Variants in SHOX observed in about 807,000 individuals in gnomAD.
SHOX encodes SHOX homeobox, also known as short stature homeobox protein.
Under a neutral mutation model 29.6 loss-of-function variants are expected in SHOX, and 12 were observed. The ratio of observed to expected loss-of-function variants is 0.41; its 90% CI spans 0.26 to 0.66. The LOEUF (loss-of-function observed/expected upper bound fraction) is 0.66. Ranked by LOEUF, SHOX falls within the 30% of genes least tolerant of loss-of-function variation. The pLI is 0.35. For missense variants in SHOX, 499 were observed against 437.7 expected, an observed-to-expected ratio of 1.14 and a Z score of -1.25; for synonymous variants, 214 against 200.6, an observed-to-expected ratio of 1.07 and a Z score of -0.57.
At chrX:629,913 A>G (rs1489806408), upstream of SHOX, among the ~76,000 whole-genome samples, 9 of 152,332 alleles carry the variant, frequency 5.9e-5, no homozygotes, top group African/African-American at 1.7e-4. Flanking sequence ...GCATCCCACC[A>G]TGAAAACCAA....
rs28407275 is a variant in SHOX at position 648,443 on chromosome X, T to C, written c.*3807T>C. ...GTTTTTGCTGTGTTGGCCCGGCTGGTCTCAAACTCCTGACCTCAGGTTGAC... is the reference window on the plus strand; with the variant it reads ...GTTTTTGCTGTGTTGGCCCGGCTGGCCTCAAACTCCTGACCTCAGGTTGAC... On this transcript the variant is annotated 3_prime_UTR_variant, in exon 5 of 5. Coordinates refer to ENST00000686671, the MANE Select transcript of SHOX (RefSeq NM_000451.4). Among the ~76,000 whole-genome samples the C allele has an allele frequency of 0.29, 43,787 of 151,752 alleles. 6,794 individuals carry two copies. The highest frequency in any genetic ancestry group is 0.35 in the Non-Finnish European group (23,609 of 67,784).
chrX:640,119 T>C (rs1027388023), intron 2 of SHOX, among the ~76,000 whole-genome samples: 24 of 151,588 alleles, frequency 1.6e-4, no homozygotes, highest in African/African-American at 5.3e-4. Flanking sequence ...CCCAGGAGGG[T>C]GGATCGCTTG....
At chrX:653,141 T>C (rs1395413411), downstream of SHOX, among the ~76,000 whole-genome samples, 1 of 152,108 alleles carries the variant, frequency 6.6e-6, no homozygotes, top group Non-Finnish European at 1.5e-5. Flanking sequence ...CTCAGGAAGC[T>C]GAGGCAGGAG....
At chrX:625,183 T>G (rs2052499598) in intron 1 of SHOX, among the ~76,000 whole-genome samples, 1 of 123,652 alleles carries the variant, frequency 8.1e-6, no homozygotes, top group Non-Finnish European at 1.7e-5. Flanking sequence ...TCCCCCTTCA[T>G]CGTCCCTCCT....
rs1231554686 is a variant in SHOX at position 647,083 on chromosome X, G to A, written c.*2447G>A. Reference sequence around the variant, plus strand: ...TACCTGGTCCCTGTAGAATCTGAACGTTTCTCTTTAGAGACGGAATTTCAA... The same window carrying A: ...TACCTGGTCCCTGTAGAATCTGAACATTTCTCTTTAGAGACGGAATTTCAA... On this transcript the variant is annotated 3_prime_UTR_variant, in exon 5 of 5. Transcript: ENST00000686671. 1.3e-5 allele frequency among the ~76,000 whole-genome samples: 2 copies of A among 152,294 alleles called. No individual in the cohort carries two copies. The highest frequency in any genetic ancestry group is 1.9e-4 in the East Asian group (1 of 5,176).
At chrX:630,652 C>CT (rs2052630175), upstream of SHOX, 3 of 602,090 alleles carry the variant, frequency 5.0e-6, no homozygotes, top group Non-Finnish European at 5.9e-6. Flanking sequence ...AATTGCCGGC[C>CT]TGGGGGGTGG....
chrX:652,082 G>A (rs909127839), downstream of SHOX, among the ~76,000 whole-genome samples: 30 of 151,994 alleles, frequency 2.0e-4, no homozygotes, highest in Non-Finnish European at 3.7e-4. Flanking sequence ...GCACCACCGC[G>A]CCCGGCTCAT....
At position 651,233 on chromosome X, in the gene SHOX, C is replaced by A. The variant is rs1451284626; in HGVS notation, c.*6597C>A. On this transcript the variant is annotated 3_prime_UTR_variant, in exon 5 of 5. Transcript: ENST00000686671. The stretch of plus-strand genomic sequence containing the variant: ...TGTTGCTTTTTCTTTTTCCCTCCCC[C>A]ATTGACGACATAGCGGCCCCCGCGT... 1 of 444,370 alleles carries A rather than the reference C, an allele frequency of 2.3e-6. No homozygotes were observed. The highest frequency in any genetic ancestry group is 2.4e-5 in the Admixed American group (1 of 41,400). The allele number at this position is 444,370 out of a possible 1,614,324, so 27.5% of individuals were successfully genotyped here.
chrX:651,578 A>C lies in SHOX; in HGVS notation c.*6942A>C. On this transcript the variant is annotated 3_prime_UTR_variant, in exon 5 of 5. Transcript: ENST00000686671. ...CTGAGATATAAATAAACTTATAAAT[A>C]TTTGTATTCAAGTGTTAAAAAAAAA... 4.3e-6 allele frequency: 1 copy of C among 234,612 alleles called. No homozygotes were observed. Among genetic ancestry groups the C allele is most frequent in the East Asian group, 9.3e-5 (1 of 10,720 alleles). The allele number at this position is 234,612 out of a possible 1,614,324, so 14.5% of individuals were successfully genotyped here. A position where few individuals can be genotyped will look rare whatever the true frequency, so the allele number is the denominator to read the frequency against.
intron 2 of SHOX, among the ~76,000 whole-genome samples, chrX:638,296 T>G (rs776322585): frequency 2.6e-5 from 4 of 152,046 alleles, no homozygotes; most frequent in Admixed American, 2.0e-4. Flanking sequence ...GGAGAGTGAA[T>G]GAGGCTTTCC....
upstream of SHOX, chrX:630,477 T>A: frequency 3.8e-6 from 1 of 260,220 alleles, no homozygotes; most frequent in Non-Finnish European, 7.4e-6. Flanking sequence ...AAAACTGGAG[T>A]TTGCTTTTCC....
At chrX:628,393 C>G (rs1156850247), upstream of SHOX, among the ~76,000 whole-genome samples, 205 of 144,244 alleles carry the variant, frequency 1.4e-3, no homozygotes, top group African/African-American at 3.7e-3. Context: ...ATCTGTCTGT[C>G]TCTCCCTTTC....
Position 630,834 on chromosome X carries a change from C to T in SHOX, c.-64C>T, listed in dbSNP as rs933074752. 6.3e-7 allele frequency: 1 copy of T among 1,599,092 alleles called. No homozygotes were observed. Among genetic ancestry groups the T allele is most frequent in the African/African-American group, 1.3e-5 (1 of 74,402 alleles). ...GATCCACCCGCGCGCACGGGCCGTC[C>T]TCTCCGCGCGGGGAGACGCGCGCAT... On this transcript the variant is annotated 5_prime_UTR_variant, in exon 1 of 5. Transcript: ENST00000686671.
chrX:630,737 G>A, upstream of SHOX: 3 of 880,966 alleles, frequency 3.4e-6, no homozygotes, highest in African/African-American at 1.7e-5. Context: ...GGCAGCGCAT[G>A]GGGGGCTGGG....
At chrX:629,481 GTCTCTCTCTT>G, upstream of SHOX, among the ~76,000 whole-genome samples, 1 of 141,070 alleles carries the variant, frequency 7.1e-6, no homozygotes, top group East Asian at 2.1e-4. Context: ...GTCTTTCCTT[GTCTCTCTCTT>G]TCTCTCTCTC....
chrX:631,747 G>T (rs1422245076), intron 1 of SHOX, among the ~76,000 whole-genome samples: 3 of 152,226 alleles, frequency 2.0e-5, no homozygotes, highest in African/African-American at 7.2e-5. Flanking sequence ...GGCCAGGCTG[G>T]TCTCGAACTC....
At chrX:628,103 G>GTCTCTC (rs1165103875), upstream of SHOX, among the ~76,000 whole-genome samples, 14 of 151,422 alleles carry the variant, frequency 9.2e-5, no homozygotes, top group African/African-American at 3.2e-4. Context: ...CTCCCTCTCT[G>GTCTCTC]TGTCTCTGCC....
downstream of SHOX, among the ~76,000 whole-genome samples, chrX:655,588 C>G (rs868378506): frequency 9.7e-5 from 5 of 51,494 alleles, no homozygotes; most frequent in Admixed American, 3.6e-4. Context: ...CTCTCTCTCT[C>G]TCTCTCTCTC....
intron 1 of SHOX, among the ~76,000 whole-genome samples, chrX:624,944 A>C (rs1419114962): frequency 4.1e-5 from 4 of 96,568 alleles, no homozygotes; most frequent in Admixed American, 1.3e-4. Flanking sequence ...TCTTTCTTTC[A>C]CTTGGCAAGA....
Sources: allele counts gnomAD v4.1 joint callset (sites outside exome capture counted in the v4.1 genomes callset), GRCh38; gene constraint gnomAD v4.1.1; transcripts MANE v1.5; gene names NCBI Gene and HGNC (gene_info 2026-07-23, HGNC 2026-07-21).